NOL4: variants seen among roughly 807,000 people sequenced by gnomAD.
NOL4 encodes nucleolar protein 4.
In NOL4, 17 loss-of-function variants were observed where a neutral mutation model predicts 75.9. The ratio of observed to expected loss-of-function variants is 0.22; its 90% confidence interval spans 0.15 to 0.34. The LOEUF (loss-of-function observed/expected upper bound fraction) is 0.34. NOL4 is among the 10% of genes least tolerant of loss of function. The pLI is 1.00. For missense variants in NOL4, 614 were observed against 793.5 expected, an observed-to-expected ratio of 0.77 and a Z score of 2.72; for synonymous variants, 292 against 289.9, an observed-to-expected ratio of 1.01 and a Z score of -0.07.
chr18:33,864,413 G>C (rs1165142154), intron 10 of NOL4, among the ~76,000 whole-genome samples: 1 of 152,008 alleles, frequency 6.6e-6, no homozygotes. Flanking sequence ...CAGATCTAGG[G>C]CAGTGGCAAA....
intron 1 of NOL4, among the ~76,000 whole-genome samples, chr18:34,214,723 T>G (rs1318267394): frequency 6.6e-6 from 1 of 152,110 alleles, no homozygotes; most frequent in Non-Finnish European, 1.5e-5. Flanking sequence ...TCGTGTTCAT[T>G]GCAGCACTAC....
chr18:34,221,927 A>G (rs1004921303), intron 1 of NOL4: 7 of 1,033,644 alleles, frequency 6.8e-6, no homozygotes, highest in South Asian at 5.8e-5. Context: ...AGGAGGGGGG[A>G]AAGGAAGAAA....
intron 5 of NOL4, among the ~76,000 whole-genome samples, chr18:34,022,027 C>T (rs1019613330): frequency 5.9e-5 from 9 of 151,716 alleles, no homozygotes; most frequent in Non-Finnish European, 1.3e-4. Flanking sequence ...TCGCTTGAAC[C>T]TGGGAGGCAG....
chr18:34,111,303 A>G (rs2079576913), intron 2 of NOL4, among the ~76,000 whole-genome samples: 1 of 152,232 alleles, frequency 6.6e-6, no homozygotes, highest in African/African-American at 2.4e-5. Context: ...TCATAGCAAT[A>G]AAACAACCTG....
chr18:34,141,902 C>T (rs548769257), intron 1 of NOL4, among the ~76,000 whole-genome samples: 2 of 152,206 alleles, frequency 1.3e-5, no homozygotes, highest in African/African-American at 4.8e-5. Context: ...AGGCAACCTA[C>T]AGAATGGGAA....
At chr18:33,975,676 G>A (rs2071437604) in intron 6 of NOL4, among the ~76,000 whole-genome samples, 1 of 152,230 alleles carries the variant, frequency 6.6e-6, no homozygotes, top group Non-Finnish European at 1.5e-5. Context: ...TCAGGAGGCT[G>A]AGGCAGGAGA....
intron 1 of NOL4, among the ~76,000 whole-genome samples, chr18:34,135,604 G>A (rs905932794): frequency 4.1e-5 from 6 of 146,514 alleles, no homozygotes; most frequent in African/African-American, 1.3e-4. Flanking sequence ...GGCTGAGGCA[G>A]GAGAATGGCA....
intron 10 of NOL4, among the ~76,000 whole-genome samples, chr18:33,872,466 T>G (rs2063744854): frequency 6.6e-6 from 1 of 152,020 alleles, no homozygotes; most frequent in Non-Finnish European, 1.5e-5. Flanking sequence ...CCCATTTATC[T>G]CATTGAGGAG....
At chr18:34,172,547 G>A (rs998957350) in intron 1 of NOL4, among the ~76,000 whole-genome samples, 2 of 152,082 alleles carry the variant, frequency 1.3e-5, no homozygotes, top group Non-Finnish European at 2.9e-5. Flanking sequence ...ATACCCAGAA[G>A]TAGAATTGCT....
Position 34,065,838 on chromosome 18 carries a change from AT to A in NOL4, c.772+27626del, listed in dbSNP as rs1390269750. Among the ~76,000 whole-genome samples, 21 of 152,088 alleles carry A rather than the reference AT, an allele frequency of 1.4e-4. No homozygotes were observed. In the East Asian group the frequency reaches 4.0e-3, roughly 29 times the overall value. On this transcript the variant is annotated intron_variant, in intron 5 of 10. Coordinates refer to ENST00000261592, the MANE Select transcript of NOL4 (RefSeq NM_003787.5). ...AATGCTAAGTAATTGATTTCTAAGA[AT>A]TTTCAAAACACCTGTTTCTTTGGTT...
chr18:34,065,839 T>C (rs918240222), intron 5 of NOL4, among the ~76,000 whole-genome samples: 3 of 151,930 alleles, frequency 2.0e-5, no homozygotes, highest in Non-Finnish European at 4.4e-5. Context: ...TTTCTAAGAA[T>C]TTTCAAAACA....
At chr18:34,032,354 C>A (rs1568246669) in intron 5 of NOL4, among the ~76,000 whole-genome samples, 1 of 152,150 alleles carries the variant, frequency 6.6e-6, no homozygotes, top group East Asian at 1.9e-4. Flanking sequence ...CATGCTGACA[C>A]CCACACACAC....
chr18:34,053,226 C>G (rs1357513591), intron 5 of NOL4, among the ~76,000 whole-genome samples: 1 of 151,954 alleles, frequency 6.6e-6, no homozygotes, highest in East Asian at 1.9e-4. Flanking sequence ...AGTAAGACCA[C>G]CATTCTATGG....
At chr18:34,165,070 A>C (rs1163927702) in intron 1 of NOL4, among the ~76,000 whole-genome samples, 1 of 136,294 alleles carries the variant, frequency 7.3e-6, no homozygotes, top group Non-Finnish European at 1.5e-5. Flanking sequence ...GAAGGGGAAC[A>C]TCACACTCTG....
chr18:34,009,046 T>A (rs943989211), intron 6 of NOL4, among the ~76,000 whole-genome samples: 2 of 151,490 alleles, frequency 1.3e-5, no homozygotes, highest in Non-Finnish European at 2.9e-5. Flanking sequence ...GATCTTCCCC[T>A]CCAGAAGTTC....
chr18:34,092,799 G>T (rs1334615070), intron 5 of NOL4, among the ~76,000 whole-genome samples: 1 of 152,072 alleles, frequency 6.6e-6, no homozygotes, highest in East Asian at 1.9e-4. Context: ...ATCTACAAAG[G>T]TAGTGTTCAA....
rs571717593 is a variant in NOL4, at chr18:34,134,848, C to T, written c.265-4828G>A. ...CTACAAATATAAAGAAATTAACATA[C>T]TTCTGAAAACTAATTGGTCAGACGA... On this transcript the variant is annotated intron_variant, in intron 1 of 10. Transcript: ENST00000261592. 3.3e-5 allele frequency among the ~76,000 whole-genome samples: 5 copies of T among 152,196 alleles called. No individual in the cohort carries two copies. In the South Asian group the frequency reaches 8.3e-4, roughly 25 times the overall value.
chr18:34,074,188 C>T (rs190369451), intron 5 of NOL4, among the ~76,000 whole-genome samples: 2 of 151,544 alleles, frequency 1.3e-5, no homozygotes, highest in Non-Finnish European at 3.0e-5. Context: ...TTGTAAATCT[C>T]AAATAATTGG....
At chr18:34,169,400 T>C (rs1309707301) in intron 1 of NOL4, among the ~76,000 whole-genome samples, 2 of 151,418 alleles carry the variant, frequency 1.3e-5, no homozygotes, top group Non-Finnish European at 3.0e-5. Flanking sequence ...ACCATTGGTA[T>C]TTAACTAATT....
Sources: gnomAD v4.1 joint callset for allele counts (sites outside exome capture counted in the v4.1 genomes callset) on GRCh38, gnomAD v4.1.1 for gene constraint, MANE v1.5 for transcripts, NCBI Gene and HGNC (gene_info 2026-07-23, HGNC 2026-07-21) for gene names.